Variants in PCDHGB7 observed in about 807,000 individuals in gnomAD.
The protein encoded by PCDHGB7 is protocadherin gamma-B7.
Under a neutral mutation model 61.4 loss-of-function variants are expected in PCDHGB7, and 37 were observed. The ratio of observed to expected loss-of-function variants is 0.60; its 90% CI spans 0.46 to 0.79. PCDHGB7 has a LOEUF of 0.79. PCDHGB7 is among the 30% of genes least tolerant of loss of function. The probability of loss-of-function intolerance (pLI) is 0.00; values close to 1 mark genes in which losing one functional copy is unlikely to be tolerated. For missense variants in PCDHGB7, 1,166 were observed against 1,202.5 expected, an observed-to-expected ratio of 0.97 and a Z score of 0.45; for synonymous variants, 464 against 503.5, an observed-to-expected ratio of 0.92 and a Z score of 1.05.
intron 1 of PCDHGB7, among the ~76,000 whole-genome samples, chr5:141,461,733 C>G (rs930217307): frequency 2.0e-5 from 3 of 152,168 alleles, no homozygotes; most frequent in African/African-American, 2.4e-5. Context: ...TGCAGTGGCA[C>G]AATCCCGGCT....
At position 141,489,220 on chromosome 5, in the gene PCDHGB7, C is replaced by T; in HGVS notation, c.2416-5587C>T. ...AGACAGGACAGCACAGACTTACTCT[C>T]CACAAAGGGACTTCTGGGTCATGGG... On this transcript the variant is annotated intron_variant, in intron 1 of 3. Transcript: ENST00000398594. This position sits in a 1 kb window ranked among gnomAD's most constrained non-coding sequence, Gnocchi z 4.5. The T allele has an allele frequency of 6.6e-7, 1 of 1,508,698 alleles. No homozygotes were observed. The highest frequency in any genetic ancestry group is 8.9e-7 in the Non-Finnish European group (1 of 1,122,110). The allele number at this position is 1,508,698 out of a possible 1,614,324, so 93.5% of individuals were successfully genotyped here.
At chr5:141,421,794 G>A in intron 1 of PCDHGB7, 1 of 1,613,788 alleles carries the variant, frequency 6.2e-7, no homozygotes, top group Non-Finnish European at 8.5e-7. Flanking sequence ...GAACGGATGG[G>A]GCCAAGAATC....
intron 1 of PCDHGB7, chr5:141,433,025 G>A: frequency 6.2e-7 from 1 of 1,614,144 alleles, no homozygotes; most frequent in Non-Finnish European, 8.5e-7. Context: ...CTATTCCCAC[G>A]AGGTTTCCCT....
At position 141,511,983 on chromosome 5, in the gene PCDHGB7, G is replaced by A. The variant is rs904146751; in HGVS notation, c.*810G>A. 6.5e-6 allele frequency: 1 copy of A among 153,280 alleles called. No homozygotes were observed. The highest frequency in any genetic ancestry group is 1.5e-5 in the Non-Finnish European group (1 of 68,572). The allele number at this position is 153,280 out of a possible 1,614,324, so 9.5% of individuals were successfully genotyped here. A position where few individuals can be genotyped will look rare whatever the true frequency, so the allele number is the denominator to read the frequency against. ...AGGGAAGTGTGTGGATGTGGATGGT[G>A]GGGGCATGGACAAAGCTTGACACAT... On this transcript the variant is annotated 3_prime_UTR_variant, in exon 4 of 4. Coordinates refer to ENST00000398594, the MANE Select transcript of PCDHGB7 (RefSeq NM_018927.4).
chr5:141,421,901 G>C (rs754277661), intron 1 of PCDHGB7: 1 of 1,613,724 alleles, frequency 6.2e-7, no homozygotes, highest in East Asian at 2.2e-5. Flanking sequence ...ATCCGAAAGG[G>C]CGCAGTTCCC....
At chr5:141,438,949 A>G (rs538626951) in intron 1 of PCDHGB7, among the ~76,000 whole-genome samples, 1 of 152,170 alleles carries the variant, frequency 6.6e-6, no homozygotes, top group East Asian at 1.9e-4. Flanking sequence ...TATAGGCATG[A>G]GCCACCGCAC....
At chr5:141,484,300 C>G (rs927710366) in intron 1 of PCDHGB7, among the ~76,000 whole-genome samples, 1 of 152,190 alleles carries the variant, frequency 6.6e-6, no homozygotes, top group Non-Finnish European at 1.5e-5. Context: ...CTCCTGGCTT[C>G]CTCCACCCCG....
chr5:141,502,475 A>G (rs1246548191), intron 2 of PCDHGB7, among the ~76,000 whole-genome samples: 1 of 150,884 alleles, frequency 6.6e-6, no homozygotes, highest in Non-Finnish European at 1.5e-5. Context: ...TTCCCGCAGC[A>G]TCACACTGGG....
At chr5:141,433,295 G>A (rs754784548) in intron 1 of PCDHGB7, 22 of 1,044,006 alleles carry the variant, frequency 2.1e-5, no homozygotes, top group Non-Finnish European at 2.9e-5. Flanking sequence ...CTAGGCTCAA[G>A]CAATTATCCC....
chr5:141,496,126 C>T (rs934132550), intron 2 of PCDHGB7, among the ~76,000 whole-genome samples: 2 of 152,062 alleles, frequency 1.3e-5, no homozygotes, highest in African/African-American at 4.8e-5. Context: ...CCCTGCCCCT[C>T]ACACACTGAG....
chr5:141,444,363 G>A (rs1292799006), intron 1 of PCDHGB7, among the ~76,000 whole-genome samples: 1 of 151,772 alleles, frequency 6.6e-6, no homozygotes, highest in Non-Finnish European at 1.5e-5. Context: ...TAGAGACGGG[G>A]TTTCTCCATG....
At chr5:141,481,811 G>A (rs1050821120) in intron 1 of PCDHGB7, among the ~76,000 whole-genome samples, 1 of 151,892 alleles carries the variant, frequency 6.6e-6, no homozygotes. Context: ...AATTCACCAG[G>A]CGTGGTGGCT....
At chr5:141,439,547 T>C (rs2098120171) in intron 1 of PCDHGB7, among the ~76,000 whole-genome samples, 2 of 152,180 alleles carry the variant, frequency 1.3e-5, no homozygotes, top group Non-Finnish European at 2.9e-5. Context: ...CTCTCATTTC[T>C]TCAGGCTGCA....
rs1036281905 is a variant in PCDHGB7 at position 141,493,555 on chromosome 5, T to A, written c.2416-1252T>A. Among the ~76,000 whole-genome samples, 3 of 152,012 alleles carry A rather than the reference T, an allele frequency of 2.0e-5. No individual in the cohort carries two copies. ...GCCAGTTATCCTTTTGGAGATTGAG[T>A]TCCCCCAGCTCCGTTTCCTCCTATC... On this transcript the variant is annotated intron_variant, in intron 1 of 3. Transcript: ENST00000398594. The surrounding 1 kb of genome is among the most constrained non-coding windows in gnomAD (Gnocchi z 4.3).
Position 141,511,042 on chromosome 5 carries a change from G to C in PCDHGB7, c.2659G>C (p.Asp887His), listed in dbSNP as rs774071540. Residue 887 changes from aspartate (D) to histidine (H), a missense_variant, in exon 4 of 4, where the codon GAC becomes CAC. Transcript: ENST00000398594. Reference sequence around the variant, plus strand: ...CCAGTTCACCCTGCAGCACGTGCCCGACTACCGCCAGAATGTCTACATCCC... The same window carrying C: ...CCAGTTCACCCTGCAGCACGTGCCCCACTACCGCCAGAATGTCTACATCCC... ...GPQFTLQHVP[D>H]YRQNVYIPGS... 6.2e-7 allele frequency: 1 copy of C among 1,614,182 alleles called. No homozygotes were observed. Among genetic ancestry groups the C allele is most frequent in the South Asian group, 1.1e-5 (1 of 91,084 alleles).
Position 141,487,858 on chromosome 5 carries a change from G to C in PCDHGB7, c.2416-6949G>C, listed in dbSNP as rs575288726. Reference sequence around the variant, plus strand: ...ATCTGAGTAAGAAATGAAAGTAATTGGTGATCAAGAGCCAGGCTGTTGTGG... The same window carrying C: ...ATCTGAGTAAGAAATGAAAGTAATTCGTGATCAAGAGCCAGGCTGTTGTGG... On this transcript the variant is annotated intron_variant, in intron 1 of 3. Transcript: ENST00000398594. The surrounding 1 kb of genome is among the most constrained non-coding windows in gnomAD (Gnocchi z 5.0). The C allele has an allele frequency of 3.8e-5, 36 of 953,250 alleles. No individual in the cohort carries two copies. The Middle Eastern group carries it at 1.3e-3, about 35-fold the overall frequency. 59.0% of individuals were successfully genotyped at this position (953,250 alleles called of 1,614,324 possible). A position where few individuals can be genotyped will look rare whatever the true frequency, so the allele number is the denominator to read the frequency against.
rs2099610288 is a variant in PCDHGB7, at chr5:141,485,252, G to A, written c.2416-9555G>A. ...GTTCCTCTTTTACCACCTGGGTTAC[G>A]TTTGTGGGCAGATCCGCTACCCGGT... On this transcript the variant is annotated intron_variant, in intron 1 of 3. Coordinates refer to ENST00000398594, the MANE Select transcript of PCDHGB7 (RefSeq NM_018927.4). This position sits in a 1 kb window ranked among gnomAD's most constrained non-coding sequence, Gnocchi z 5.7. 6.2e-7 allele frequency: 1 copy of A among 1,614,042 alleles called. No individual in the cohort carries two copies. The highest frequency in any genetic ancestry group is 1.7e-5 in the Admixed American group (1 of 60,008).
Position 141,494,864 on chromosome 5 carries a change from G to T in PCDHGB7, c.2473G>T (p.Gly825Cys), listed in dbSNP as rs773899530. 12 of 1,613,950 alleles carry T rather than the reference G, an allele frequency of 7.4e-6. No individual in the cohort carries two copies. Among genetic ancestry groups the T allele is most frequent in the South Asian group, 1.1e-5 (1 of 91,080 alleles). ...TCAGGCCCAGAGACCCGGCACCAGC[G>T]GGTAGGTGACTGATTCTCCAGCCCA... Reference protein sequence around the residue: ...FSQAQRPGTSGSQNGDDTGTW... With the variant: ...FSQAQRPGTSCSQNGDDTGTW... Residue 825 changes from glycine to cysteine, a missense_variant and splice_region_variant, in exon 2 of 4, where the codon GGC becomes TGC. Physicochemically the swap from Gly to Cys is radical, Grantham distance 159 (BLOSUM62 -3). Coordinates refer to ENST00000398594, the MANE Select transcript of PCDHGB7 (RefSeq NM_018927.4).
At chr5:141,494,708 C>T (rs1481947557) in intron 1 of PCDHGB7, 99 bp from the exon 2 acceptor site, 2 of 1,599,566 alleles carry the variant, frequency 1.3e-6, no homozygotes, top group Non-Finnish European at 1.7e-6. Flanking sequence ...CTTCTCTGTG[C>T]CCACTCCCCT....
Sources: allele counts gnomAD v4.1 joint callset (sites outside exome capture counted in the v4.1 genomes callset), GRCh38; gene constraint gnomAD v4.1.1; non-coding constraint Gnocchi (gnomAD v3.1); transcripts MANE v1.5; gene names NCBI Gene and HGNC (gene_info 2026-07-23, HGNC 2026-07-21).